Variants in TSPAN2 observed in about 807,000 individuals in gnomAD.
TSPAN2 encodes the protein tetraspanin-2.
In TSPAN2, 24 loss-of-function variants were observed where a neutral mutation model predicts 33.3. That is an observed-to-expected ratio of 0.72 (90% confidence interval 0.52 to 1.01). TSPAN2 has a LOEUF of 1.01. TSPAN2 is among the 50% of genes least tolerant of loss of function. The pLI, the probability that TSPAN2 is intolerant of heterozygous loss-of-function variation, is 0.00. For missense variants in TSPAN2, 278 were observed against 281.3 expected (o/e 0.99, Z 0.08); for synonymous variants, 114 against 104.5 (o/e 1.09, Z -0.56).
In TSPAN2 at chr1:115,089,452, A is replaced by ATCCCCAG; in HGVS notation, c.-27_-21dup. On this transcript the variant is annotated 5_prime_UTR_variant, in exon 1 of 8. Transcript: ENST00000369516. ...CCCCATGCTGCGGCCCGGCGGCGGG[A>ATCCCCAG]TCCCCAGTCCCCAGGCCCGCGCTAC... 1 of 1,542,476 alleles carries ATCCCCAG rather than the reference A, an allele frequency of 6.5e-7. No individual in the cohort carries two copies. Among genetic ancestry groups the ATCCCCAG allele is most frequent in the South Asian group, 1.2e-5 (1 of 83,772 alleles).
rs2101025035 is a variant in TSPAN2 at position 115,057,293 on chromosome 1, G to T, written c.516+244C>A. On this transcript the variant is annotated intron_variant, in intron 6 of 7. Coordinates refer to ENST00000369516, the MANE Select transcript of TSPAN2 (RefSeq NM_005725.6). ...GTAATGGATTCTCCTCTCTTCTCTG[G>T]TCACCACTCCTGTAGTTGTCACTTT... Among the ~76,000 whole-genome samples the T allele has an allele frequency of 2.0e-5, 3 of 152,134 alleles. No individual in the cohort carries two copies. In the East Asian group the frequency reaches 5.8e-4, roughly 29 times the overall value.
rs577872541 is a variant in TSPAN2 at position 115,081,805 on chromosome 1, G to T, written c.69+7559C>A. Among the ~76,000 whole-genome samples, 15 of 152,334 alleles carry T rather than the reference G, an allele frequency of 9.8e-5. No homozygotes were observed. In the South Asian group the frequency reaches 2.7e-3, roughly 27 times the overall value. On this transcript the variant is annotated intron_variant, in intron 1 of 7. Transcript: ENST00000369516. ...ACCAAAAGCTTAATCTTCAAGATAG[G>T]AAACATCGCTCCCATGGTTCCAATA... is the stretch of plus-strand genomic sequence containing the variant.
chr1:115,080,741 C>T (rs1038805370), intron 1 of TSPAN2, among the ~76,000 whole-genome samples: 5 of 152,218 alleles, frequency 3.3e-5, no homozygotes, highest in African/African-American at 1.2e-4. Context: ...GCCTTACTTA[C>T]CTCATCAAGG....
chr1:115,072,000 C>G (rs1419828302), intron 2 of TSPAN2, among the ~76,000 whole-genome samples: 1 of 152,324 alleles, frequency 6.6e-6, no homozygotes, highest in South Asian at 2.1e-4. Flanking sequence ...GCAACTGAAG[C>G]TTACTCTATG....
Position 115,049,991 on chromosome 1 carries a change from C to T in TSPAN2, c.*499G>A, listed in dbSNP as rs762187734. Reference sequence around the variant, plus strand: ...AGGAAACCCTTACACCCAACTTAGACACAGTCAGTTTTAACACTCCATTGT... The same window carrying T: ...AGGAAACCCTTACACCCAACTTAGATACAGTCAGTTTTAACACTCCATTGT... On this transcript the variant is annotated 3_prime_UTR_variant, in exon 8 of 8. Coordinates refer to ENST00000369516, the MANE Select transcript of TSPAN2 (RefSeq NM_005725.6). 1 of 106,328 alleles carries T rather than the reference C, an allele frequency of 9.4e-6. No homozygotes were observed. Among genetic ancestry groups the T allele is most frequent in the Non-Finnish European group, 2.4e-5 (1 of 42,456 alleles). 6.6% of individuals were successfully genotyped at this position (106,328 alleles called of 1,614,324 possible).
chr1:115,053,562 T>A, intron 6 of TSPAN2, 100 bp from the exon 7 acceptor site: 1 of 969,412 alleles, frequency 1.0e-6, no homozygotes, highest in Non-Finnish European at 1.6e-6. Flanking sequence ...TCTGTGAGAG[T>A]TAATCCATGC....
chr1:115,055,227 C>T (rs534021026), intron 6 of TSPAN2, among the ~76,000 whole-genome samples: 1 of 152,144 alleles, frequency 6.6e-6, no homozygotes, highest in East Asian at 1.9e-4. Flanking sequence ...CCCTCCTTCC[C>T]TTCATTGCCA....
chr1:115,057,991 T>G (rs764292112), intron 5 of TSPAN2, among the ~76,000 whole-genome samples: 3 of 152,136 alleles, frequency 2.0e-5, no homozygotes, highest in Non-Finnish European at 4.4e-5. Context: ...GAAGGACTCA[T>G]TAGCTGGGAA....
intron 6 of TSPAN2, among the ~76,000 whole-genome samples, chr1:115,055,615 C>T (rs1019476732): frequency 6.6e-6 from 1 of 152,046 alleles, no homozygotes; most frequent in Non-Finnish European, 1.5e-5. Flanking sequence ...CCTCTGCCTC[C>T]CAGGTTCAAG....
chr1:115,083,860 A>G (rs921542960), intron 1 of TSPAN2, among the ~76,000 whole-genome samples: 2 of 152,228 alleles, frequency 1.3e-5, no homozygotes, highest in African/African-American at 4.8e-5. Context: ...AAAAGGACAC[A>G]GTCCCTGCCC....
At chr1:115,059,056 C>A (rs1390414178) in intron 4 of TSPAN2, 75 bp from the exon 5 acceptor site, 2 of 1,126,762 alleles carry the variant, frequency 1.8e-6, no homozygotes, top group African/African-American at 3.1e-5. Flanking sequence ...CAAGGAAAAT[C>A]TCCTCTTCCA....
chr1:115,070,636 C>T (rs1648134274), intron 2 of TSPAN2, among the ~76,000 whole-genome samples: 2 of 151,946 alleles, frequency 1.3e-5, no homozygotes, highest in Admixed American at 1.3e-4. Flanking sequence ...TCCCTCCCCA[C>T]AGCCATTCTT....
intron 7 of TSPAN2, among the ~76,000 whole-genome samples, 173 bp downstream of exon 7, chr1:115,053,206 C>T (rs1214586046): frequency 6.6e-6 from 1 of 152,144 alleles, no homozygotes; most frequent in Admixed American, 6.5e-5. Context: ...AGAGGACAAA[C>T]TATTAATATA....
intron 4 of TSPAN2, among the ~76,000 whole-genome samples, chr1:115,060,091 T>C (rs1028044967): frequency 2.0e-5 from 3 of 152,140 alleles, no homozygotes; most frequent in African/African-American, 7.2e-5. Flanking sequence ...TCCAGGCCAA[T>C]CCTTAAGGAC....
At chr1:115,064,211 A>T (rs1570971869) in intron 2 of TSPAN2, among the ~76,000 whole-genome samples, 1 of 152,346 alleles carries the variant, frequency 6.6e-6, no homozygotes, top group East Asian at 1.9e-4. Context: ...TGTAGGCAGG[A>T]TGCCCTGGCC....
chr1:115,082,140 T>C (rs946095162), intron 1 of TSPAN2, among the ~76,000 whole-genome samples: 1 of 152,254 alleles, frequency 6.6e-6, no homozygotes, highest in Non-Finnish European at 1.5e-5. Flanking sequence ...CCTATGGCTA[T>C]GGAGCTCTGA....
intron 4 of TSPAN2, 139 bp downstream of exon 4, chr1:115,060,325 C>T: frequency 1.5e-6 from 1 of 668,670 alleles, no homozygotes; most frequent in Non-Finnish European, 2.6e-6. Flanking sequence ...ATGCTCAGTT[C>T]TGCACACCAC....
chr1:115,078,059 T>A (rs1258370872), intron 1 of TSPAN2, among the ~76,000 whole-genome samples: 1 of 152,220 alleles, frequency 6.6e-6, no homozygotes, highest in East Asian at 1.9e-4. Flanking sequence ...GAAACACAGG[T>A]CCTGGCCCTC....
intron 3 of TSPAN2, 76 bp downstream of exon 3, chr1:115,062,059 C>T (rs1557878373): frequency 9.3e-6 from 12 of 1,293,030 alleles, no homozygotes; most frequent in South Asian, 1.3e-5. Context: ...AGCCAGGGGC[C>T]AGAGGCACTG....
Sources: allele counts gnomAD v4.1 joint callset (sites outside exome capture counted in the v4.1 genomes callset), GRCh38; gene constraint gnomAD v4.1.1; transcripts MANE v1.5; gene names NCBI Gene and HGNC (gene_info 2026-07-23, HGNC 2026-07-21).